The following CDC14B variants were observed in gnomAD, a reference collection of about 807,000 sequenced individuals.
CDC14B encodes dual specificity protein phosphatase CDC14B.
In CDC14B, 22 loss-of-function variants were observed where a neutral mutation model predicts 64.2. That is an observed-to-expected ratio of 0.34 (90% CI 0.24 to 0.49). The LOEUF (loss-of-function observed/expected upper bound fraction) is 0.49, where lower values mean the gene tolerates loss of function less well. Among genes scored for constraint, CDC14B ranks in the 20% least tolerant of loss-of-function variants. The pLI, the probability that CDC14B is intolerant of heterozygous loss-of-function variation, is 0.99. For synonymous variants in CDC14B, 191 were observed against 215.8 expected (o/e 0.89, Z 1.01); for missense variants, 498 against 629.9 (o/e 0.79, Z 2.24).
In CDC14B at chr9:96,522,661, C is replaced by G. The variant is rs1273656376; in HGVS notation, c.1246-58G>C. 8.8e-6 allele frequency: 9 copies of G among 1,025,626 alleles called. No individual in the cohort carries two copies. In the African/African-American group the frequency reaches 1.3e-4, roughly 14 times the overall value. The allele number at this position is 1,025,626 out of a possible 1,614,324, so 63.5% of individuals were successfully genotyped here. On this transcript the variant is annotated intron_variant, in intron 11 of 13. Coordinates refer to ENST00000375241, the MANE Select transcript of CDC14B (RefSeq NM_033331.4). The stretch of plus-strand genomic sequence containing the variant: ...TTAAGTTGCACTTATTAATGCAGTA[C>G]AGCAGAGCAGCAATTTATCCACATG...
At position 96,500,559 on chromosome 9, in the gene CDC14B, C is replaced by CT. The variant is rs1423759851; in HGVS notation, c.*3193dup. 6.6e-6 allele frequency: 1 copy of CT among 152,616 alleles called. No homozygotes were observed. The highest frequency in any genetic ancestry group is 2.4e-5 in the African/African-American group (1 of 41,446). The allele number at this position is 152,616 out of a possible 1,614,324, so 9.5% of individuals were successfully genotyped here. A position where few individuals can be genotyped will look rare whatever the true frequency, so the allele number is the denominator to read the frequency against. ...ACACAGTATAGGTGAATTGTCCAGT[C>CT]TTTAAACACATCTGGAGTCATCTCC... On this transcript the variant is annotated 3_prime_UTR_variant, in exon 14 of 14. Coordinates refer to ENST00000375241, the MANE Select transcript of CDC14B (RefSeq NM_033331.4).
intron 1 of CDC14B, among the ~76,000 whole-genome samples, chr9:96,586,914 T>C (rs887385067): frequency 6.6e-6 from 1 of 151,948 alleles, no homozygotes; most frequent in Non-Finnish European, 1.5e-5. Context: ...GGCTCATGCC[T>C]GTAATCCCAG....
chr9:96,564,226 A>C (rs1843612459), intron 3 of CDC14B, among the ~76,000 whole-genome samples: 1 of 152,196 alleles, frequency 6.6e-6, no homozygotes, highest in Non-Finnish European at 1.5e-5. Flanking sequence ...AGTTCAAACC[A>C]ATACAAATAT....
chr9:96,499,471 C>T (rs1030893615), downstream of CDC14B, among the ~76,000 whole-genome samples: 4 of 152,174 alleles, frequency 2.6e-5, no homozygotes, highest in Non-Finnish European at 4.4e-5. Flanking sequence ...CGGTGCCGCC[C>T]GACCTTGGCA....
At chr9:96,598,399 C>T (rs1005475571) in intron 1 of CDC14B, among the ~76,000 whole-genome samples, 6 of 152,132 alleles carry the variant, frequency 3.9e-5, no homozygotes, top group Non-Finnish European at 2.9e-5. Flanking sequence ...TGCAGTGGCA[C>T]GATCTTGGCT....
At chr9:96,614,678 T>C (rs1180186492) in intron 1 of CDC14B, among the ~76,000 whole-genome samples, 1 of 152,046 alleles carries the variant, frequency 6.6e-6, no homozygotes, top group Admixed American at 6.6e-5. Flanking sequence ...GAGATAAAGA[T>C]TCAGACCTCT....
chr9:96,534,768 A>G (rs1161665368), intron 7 of CDC14B, among the ~76,000 whole-genome samples: 1 of 152,244 alleles, frequency 6.6e-6, no homozygotes, highest in East Asian at 1.9e-4. Flanking sequence ...TTTCATTGCT[A>G]GGGTATCAGC....
chr9:96,525,140 CA>C (rs924689719), intron 9 of CDC14B, among the ~76,000 whole-genome samples: 1 of 151,926 alleles, frequency 6.6e-6, no homozygotes, highest in African/African-American at 2.4e-5. Flanking sequence ...ATCCATATTG[CA>C]AAAAATAAGA....
At chr9:96,514,798 T>A in intron 12 of CDC14B, 3 of 985,358 alleles carry the variant, frequency 3.0e-6, no homozygotes, top group Non-Finnish European at 3.6e-6. Flanking sequence ...CTTCTGGGGG[T>A]CTTCAACATG....
chr9:96,617,120 T>G (rs1282870602), intron 1 of CDC14B, among the ~76,000 whole-genome samples: 1 of 152,082 alleles, frequency 6.6e-6, no homozygotes, highest in Admixed American at 6.6e-5. Context: ...TTTTTTTTTT[T>G]TTTAGCAGCA....
At chr9:96,567,323 C>G (rs1396809311) in intron 1 of CDC14B, 2 of 153,002 alleles carry the variant, frequency 1.3e-5, no homozygotes, top group South Asian at 2.0e-4. Flanking sequence ...TGGCGCCTCC[C>G]CCGCCGCACT....
intron 3 of CDC14B, among the ~76,000 whole-genome samples, chr9:96,564,280 T>TTA (rs1168156506): frequency 6.6e-6 from 1 of 152,222 alleles, no homozygotes; most frequent in Non-Finnish European, 1.5e-5. Flanking sequence ...ACATGCTTAT[T>TTA]TGCCCTAGAT....
At chr9:96,514,166 A>G (rs1199388664) in intron 12 of CDC14B, among the ~76,000 whole-genome samples, 1 of 152,220 alleles carries the variant, frequency 6.6e-6, no homozygotes, top group Non-Finnish European at 1.5e-5. Flanking sequence ...TATAGTTTAC[A>G]TGGAATACTG....
At chr9:96,507,186 C>T (rs530486238) in intron 13 of CDC14B, among the ~76,000 whole-genome samples, 1 of 152,052 alleles carries the variant, frequency 6.6e-6, no homozygotes, top group African/African-American at 2.4e-5. Flanking sequence ...AAGTAGTAAT[C>T]CCAGCTACTT....
chr9:96,508,379 A>G (rs946781228), intron 13 of CDC14B, among the ~76,000 whole-genome samples: 2 of 151,106 alleles, frequency 1.3e-5, no homozygotes, highest in Admixed American at 1.3e-4. Context: ...AACTAAATGT[A>G]TGACTCCCAA....
intron 5 of CDC14B, among the ~76,000 whole-genome samples, chr9:96,542,492 G>T (rs1564290275): frequency 6.7e-6 from 1 of 148,778 alleles, no homozygotes; most frequent in African/African-American, 2.5e-5. Context: ...TAACTTCTGG[G>T]TTTTTTTTTT....
intron 12 of CDC14B, chr9:96,514,594 G>C: frequency 1.0e-6 from 1 of 985,418 alleles, no homozygotes; most frequent in Non-Finnish European, 1.2e-6. Flanking sequence ...AAGTACCAGA[G>C]TTGGTTGCAA....
intron 13 of CDC14B, among the ~76,000 whole-genome samples, chr9:96,494,773 CCCCCTCCCGT>C (rs927227172): frequency 2.0e-4 from 21 of 106,652 alleles, no homozygotes; most frequent in African/African-American, 5.4e-4. Flanking sequence ...CCGTCCCCTC[CCCCCTCCCGT>C]CCCCTCCCGT....
At chr9:96,513,160 T>A (rs1056637297) in intron 12 of CDC14B, among the ~76,000 whole-genome samples, 1 of 152,200 alleles carries the variant, frequency 6.6e-6, no homozygotes, top group Non-Finnish European at 1.5e-5. Context: ...ATAATAATAT[T>A]AAATAGCTAG....
Sources: gnomAD v4.1 joint callset for allele counts (sites outside exome capture counted in the v4.1 genomes callset) on GRCh38, gnomAD v4.1.1 for gene constraint, MANE v1.5 for transcripts, NCBI Gene and HGNC (gene_info 2026-07-23, HGNC 2026-07-21) for gene names.